RANBP17: variants seen among roughly 807,000 people sequenced by gnomAD.
RANBP17 encodes the protein ran-binding protein 17.
In RANBP17, 158 loss-of-function variants were observed where a neutral mutation model predicts 141.2. The ratio of observed to expected loss-of-function variants is 1.12; its 90% CI spans 0.98 to 1.28. The LOEUF (loss-of-function observed/expected upper bound fraction) is 1.28. Among genes scored for constraint, RANBP17 ranks in the 50% most tolerant of loss-of-function variants. The probability of loss-of-function intolerance (pLI) is 0.00; values close to 1 mark genes in which losing one functional copy is unlikely to be tolerated. For missense variants in RANBP17, 1,438 were observed against 1,290.7 expected (o/e 1.11, Z -1.75); for synonymous variants, 430 against 450.0 (o/e 0.96, Z 0.56).
intron 14 of RANBP17, among the ~76,000 whole-genome samples, chr5:171,009,430 A>G (rs1270123615): frequency 6.6e-6 from 1 of 152,158 alleles, no homozygotes; most frequent in Non-Finnish European, 1.5e-5. Context: ...ATTGAATTGG[A>G]TTGGTATAAA....
intron 26 of RANBP17, among the ~76,000 whole-genome samples, chr5:171,294,343 C>T (rs1768688806): frequency 6.6e-6 from 1 of 152,096 alleles, no homozygotes; most frequent in Non-Finnish European, 1.5e-5. Context: ...TCTGAGATCC[C>T]CACTGCCCTA....
chr5:171,188,318 T>G (rs1761405052), intron 18 of RANBP17, among the ~76,000 whole-genome samples: 2 of 152,242 alleles, frequency 1.3e-5, no homozygotes, highest in Admixed American at 6.5e-5. Flanking sequence ...CTTTTCGTAC[T>G]GCATCCTGGC....
chr5:171,207,940 G>A (rs1055505653), intron 20 of RANBP17: 8 of 152,112 alleles, frequency 5.3e-5, no homozygotes, highest in Admixed American at 2.0e-4. Context: ...TCTTTTCAAA[G>A]TATTCAAGTA....
In RANBP17 at chr5:171,214,940, G is replaced by A. The variant is rs1763126212; in HGVS notation, c.2339+1202G>A. Among the ~76,000 whole-genome samples the A allele has an allele frequency of 2.0e-5, 3 of 151,872 alleles. No individual in the cohort carries two copies. The South Asian group carries it at 6.2e-4, about 32-fold the overall frequency. On this transcript the variant is annotated intron_variant, in intron 21 of 27. Transcript: ENST00000523189. ...ATACATGTGCAGAACATGCAGGTTT[G>A]TTACATAGGTATACATGTGCCATGG...
In RANBP17 at chr5:171,227,180, T is replaced by C. The variant is rs760228201; in HGVS notation, c.2422+5340T>C. Among the ~76,000 whole-genome samples the C allele has an allele frequency of 2.0e-5, 3 of 152,258 alleles. No individual in the cohort carries two copies. The East Asian group carries it at 5.8e-4, about 29-fold the overall frequency. ...ATGATTAAGCTTAGCGAAGAAGGCATGTCAAATGCTGAGACAGGTCAAAAG... is the reference window on the plus strand; with the variant it reads ...ATGATTAAGCTTAGCGAAGAAGGCACGTCAAATGCTGAGACAGGTCAAAAG... On this transcript the variant is annotated intron_variant, in intron 22 of 27. Transcript: ENST00000523189.
chr5:171,284,167 T>C (rs1461792392), intron 25 of RANBP17, among the ~76,000 whole-genome samples: 1 of 152,222 alleles, frequency 6.6e-6, no homozygotes, highest in African/African-American at 2.4e-5. Flanking sequence ...GTGATGCATA[T>C]GCACGCTGCT....
chr5:170,885,038 A>T (rs1769028325), intron 3 of RANBP17, among the ~76,000 whole-genome samples: 1 of 152,166 alleles, frequency 6.6e-6, no homozygotes, highest in Admixed American at 6.5e-5. Flanking sequence ...TGACAGGCTT[A>T]GACCTTTTGT....
At chr5:171,123,162 C>A (rs187653516) in intron 14 of RANBP17, among the ~76,000 whole-genome samples, 114 of 152,268 alleles carry the variant, frequency 7.5e-4, no homozygotes, top group African/African-American at 2.6e-3. Flanking sequence ...CCTGCATGTG[C>A]CTTCAGAGGC....
intron 14 of RANBP17, among the ~76,000 whole-genome samples, chr5:171,119,995 C>G (rs1417674891): frequency 6.7e-6 from 1 of 149,688 alleles, no homozygotes; most frequent in East Asian, 2.0e-4. Context: ...CGAGATCGAG[C>G]CATTGCACTC....
intron 22 of RANBP17, among the ~76,000 whole-genome samples, chr5:171,227,723 C>G (rs1365381303): frequency 6.6e-6 from 1 of 152,168 alleles, no homozygotes; most frequent in Non-Finnish European, 1.5e-5. Flanking sequence ...AAAGGACAGA[C>G]TGAGTCTCTT....
intron 14 of RANBP17, among the ~76,000 whole-genome samples, chr5:171,026,460 T>C (rs1781241251): frequency 6.6e-6 from 1 of 152,192 alleles, no homozygotes. Flanking sequence ...ACTCCTGCAA[T>C]TTCTAATTTT....
At chr5:171,027,247 ACT>A (rs1781290705) in intron 14 of RANBP17, among the ~76,000 whole-genome samples, 1 of 151,972 alleles carries the variant, frequency 6.6e-6, no homozygotes, top group South Asian at 2.1e-4. Context: ...AGTTTATTTC[ACT>A]CTGTTATTAC....
chr5:171,066,603 C>G (rs1274385956), intron 14 of RANBP17, among the ~76,000 whole-genome samples: 6 of 152,208 alleles, frequency 3.9e-5, no homozygotes, highest in Non-Finnish European at 7.3e-5. Flanking sequence ...CATATCTTGT[C>G]TGTTCCAAAT....
intron 14 of RANBP17, chr5:170,968,682 A>C (rs933339183): frequency 6.3e-6 from 3 of 474,186 alleles, no homozygotes; most frequent in African/African-American, 5.9e-5. Context: ...TGAAAGCATA[A>C]GATTTGCTTT....
In RANBP17 at chr5:171,276,455, G is replaced by A. The variant is rs149744038; in HGVS notation, c.2943+10608G>A. On this transcript the variant is annotated intron_variant, in intron 25 of 27. Transcript: ENST00000523189. The stretch of plus-strand genomic sequence containing the variant: ...GTGAAGAAGAATTTGGAATACATAA[G>A]CCACGTATCCATTTGGCTTTGTCTT... Among the ~76,000 whole-genome samples the A allele has an allele frequency of 1.2e-4, 18 of 152,292 alleles. No individual in the cohort carries two copies. The East Asian group carries it at 3.5e-3, about 29-fold the overall frequency.
At chr5:170,924,297 G>T in intron 11 of RANBP17, 60 bp from the exon 12 acceptor site, 1 of 1,061,950 alleles carries the variant, frequency 9.4e-7, no homozygotes, top group African/African-American at 1.6e-5. Flanking sequence ...AAGTTTATTT[G>T]TGGTGAATAA....
intron 14 of RANBP17, among the ~76,000 whole-genome samples, chr5:171,032,884 G>T (rs140509320): frequency 4.1e-4 from 63 of 152,186 alleles, no homozygotes; most frequent in Non-Finnish European, 7.8e-4. Flanking sequence ...TACCATAATG[G>T]GTTGAAACTT....
At chr5:171,239,879 C>G (rs922729777) in intron 22 of RANBP17, among the ~76,000 whole-genome samples, 2 of 152,156 alleles carry the variant, frequency 1.3e-5, no homozygotes, top group African/African-American at 2.4e-5. Context: ...ACCTGTTACT[C>G]TTACCACCTC....
chr5:171,210,917 A>G (rs1052703774), intron 20 of RANBP17, among the ~76,000 whole-genome samples: 8 of 150,998 alleles, frequency 5.3e-5, no homozygotes, highest in Non-Finnish European at 8.8e-5. Flanking sequence ...AGGCAGGAAA[A>G]TCGCTTGAAC....
Sources: allele counts gnomAD v4.1 joint callset (sites outside exome capture counted in the v4.1 genomes callset), GRCh38; gene constraint gnomAD v4.1.1; transcripts MANE v1.5; gene names NCBI Gene and HGNC (gene_info 2026-07-23, HGNC 2026-07-21).